The following ANK3 variants were observed in gnomAD, a reference collection of about 807,000 sequenced individuals.
ANK3 encodes the protein ankyrin 3.
In ANK3, 57 loss-of-function variants were observed where a neutral mutation model predicts 370.9. The ratio of observed to expected loss-of-function variants is 0.15; its 90% confidence interval spans 0.12 to 0.19. ANK3 has a LOEUF of 0.19. Ranked by LOEUF, ANK3 falls within the 10% of genes least tolerant of loss-of-function variation. The probability of loss-of-function intolerance (pLI) is 1.00; values close to 1 mark genes in which losing one functional copy is unlikely to be tolerated. For missense variants in ANK3, 4,439 were observed against 5,302.1 expected (o/e 0.84, Z 5.06); for synonymous variants, 1,929 against 1,946.3 (o/e 0.99, Z 0.23).
chr10:60,693,936 C>T (rs556638168), intron 1 of ANK3, among the ~76,000 whole-genome samples: 8,165 of 151,414 alleles, frequency 0.054, 272 homozygotes, highest in South Asian at 0.071. Flanking sequence ...AGGCTTCAGA[C>T]GATCAAATTA....
intron 16 of ANK3, among the ~76,000 whole-genome samples, chr10:60,192,664 G>A (rs2096510022): frequency 6.6e-6 from 1 of 152,100 alleles, no homozygotes; most frequent in African/African-American, 2.4e-5. Flanking sequence ...CATAAAGAGT[G>A]GAATAATAGA....
chr10:60,216,616 G>T lies in ANK3; in HGVS notation c.898-3106C>A, dbSNP rs145458460. ...AGCCTTGCATCCCAGGGATGAAGCCGATTTACTCGTGGTAGGTAAGTTTTT... is the reference window on the plus strand; with the variant it reads ...AGCCTTGCATCCCAGGGATGAAGCCTATTTACTCGTGGTAGGTAAGTTTTT... On this transcript the variant is annotated intron_variant, in intron 8 of 43. Coordinates refer to ENST00000280772, the MANE Select transcript of ANK3 (RefSeq NM_020987.5). Among the ~76,000 whole-genome samples the T allele has an allele frequency of 1.2e-3, 179 of 152,196 alleles. 1 individual carries two copies. The highest frequency in any genetic ancestry group is 4.1e-3 in the African/African-American group (169 of 41,536).
chr10:60,558,294 T>C (rs933517558), intron 2 of ANK3, among the ~76,000 whole-genome samples: 1 of 152,222 alleles, frequency 6.6e-6, no homozygotes, highest in African/African-American at 2.4e-5. Context: ...TTCAGGTATA[T>C]TGTCTTAAAA....
intron 1 of ANK3, among the ~76,000 whole-genome samples, chr10:60,323,582 A>T (rs746505813): frequency 1.3e-5 from 2 of 152,188 alleles, no homozygotes; most frequent in South Asian, 2.1e-4. Context: ...GATGTCTCCA[A>T]TGGAAATATA....
At chr10:60,363,976 T>G (rs10994316) in intron 1 of ANK3, among the ~76,000 whole-genome samples, 67,641 of 144,414 alleles carry the variant, frequency 0.47, 16,511 homozygotes, top group South Asian at 0.6. Context: ...AAGTGTTTTT[T>G]TTTTTTTTTT....
chr10:60,406,527 C>T lies in ANK3; in HGVS notation c.97-126888G>A, dbSNP rs1226986804. 2.6e-5 allele frequency among the ~76,000 whole-genome samples: 4 copies of T among 152,166 alleles called. No homozygotes were observed. In the East Asian group the frequency reaches 7.7e-4, roughly 29 times the overall value. On this transcript the variant is annotated intron_variant, in intron 2 of 43. Transcript: ENST00000373827. ...ACTTCACAATAGGGTTTGTGCTCCT[C>T]TGAGACTCTAATGCCACTGCTGATC...
At chr10:60,699,261 C>A (rs574547698) in intron 1 of ANK3, among the ~76,000 whole-genome samples, 1 of 151,484 alleles carries the variant, frequency 6.6e-6, no homozygotes, top group Non-Finnish European at 1.5e-5. Context: ...CCATCTGTAC[C>A]CCAGTAACCC....
intron 1 of ANK3, among the ~76,000 whole-genome samples, chr10:60,648,617 A>C (rs1461060352): frequency 2.0e-5 from 3 of 150,954 alleles, no homozygotes; most frequent in Non-Finnish European, 3.0e-5. Flanking sequence ...AAAAAATACA[A>C]AAATTAGCCA....
Position 60,505,044 on chromosome 10 carries a change from A to T in ANK3, c.96+110142T>A, listed in dbSNP as rs570796511. Among the ~76,000 whole-genome samples the T allele has an allele frequency of 2.0e-5, 3 of 152,294 alleles. No individual in the cohort carries two copies. The East Asian group carries it at 5.8e-4, about 29-fold the overall frequency. ...CCTTTTTTAGACACGTATATGAAGCATTTAAAAGCAAATGATATGTCTAAG... is the reference window on the plus strand; with the variant it reads ...CCTTTTTTAGACACGTATATGAAGCTTTTAAAAGCAAATGATATGTCTAAG... On this transcript the variant is annotated intron_variant, in intron 2 of 43. Coordinates refer to the ANK3 transcript ENST00000373827.
intron 1 of ANK3, chr10:60,684,426 GT>G (rs1463443069): frequency 1.3e-6 from 1 of 797,156 alleles, no homozygotes; most frequent in African/African-American, 1.8e-5. Context: ...CAATCTTATA[GT>G]TGGATCACCT....
chr10:60,319,186 C>G (rs2048099148), intron 1 of ANK3, among the ~76,000 whole-genome samples: 1 of 152,202 alleles, frequency 6.6e-6, no homozygotes, highest in Non-Finnish European at 1.5e-5. Flanking sequence ...ATAACAGACA[C>G]TTGCAAAGGG....
chr10:60,182,392 G>T (rs1196073112), intron 17 of ANK3, among the ~76,000 whole-genome samples: 1 of 152,050 alleles, frequency 6.6e-6, no homozygotes, highest in African/African-American at 2.4e-5. Flanking sequence ...CAGAACACAT[G>T]GTTGCTCTCA....
At chr10:60,580,280 A>G (rs1453379744) in intron 2 of ANK3, among the ~76,000 whole-genome samples, 3 of 152,198 alleles carry the variant, frequency 2.0e-5, no homozygotes, top group Non-Finnish European at 4.4e-5. Flanking sequence ...CACAGCCTCT[A>G]TTCTAAATCA....
At chr10:60,404,213 GT>G (rs71015792) in intron 2 of ANK3, among the ~76,000 whole-genome samples, 1 of 16,552 alleles carries the variant, frequency 6.0e-5, no homozygotes, top group East Asian at 2.3e-3. Context: ...AACACCACAA[GT>G]TTTTTTTTAA....
intron 7 of ANK3, among the ~76,000 whole-genome samples, chr10:60,243,146 C>T (rs921054626): frequency 1.3e-5 from 2 of 152,188 alleles, no homozygotes; most frequent in Admixed American, 1.3e-4. Context: ...CTGCCCCATA[C>T]TAGCTAATTA....
intron 12 of ANK3, 93 bp downstream of exon 12, chr10:60,202,909 A>AACAAAAT: frequency 1.2e-6 from 1 of 850,074 alleles, no homozygotes; most frequent in Non-Finnish European, 1.8e-6. Context: ...TCCAACTCTT[A>AACAAAAT]AAAAAATAAA....
chr10:60,333,471 A>T (rs2051933289), intron 1 of ANK3, among the ~76,000 whole-genome samples: 1 of 152,288 alleles, frequency 6.6e-6, no homozygotes, highest in East Asian at 1.9e-4. Flanking sequence ...CCTGCAAAGG[A>T]CATGAACTCA....
intron 23 of ANK3, among the ~76,000 whole-genome samples, chr10:60,160,783 A>AT (rs2095478652): frequency 3.3e-5 from 5 of 152,236 alleles, no homozygotes; most frequent in Admixed American, 3.3e-4. Context: ...TCATATCCAA[A>AT]GAATAAAGGA....
At position 60,075,055 on chromosome 10, in the gene ANK3, T is replaced by C; in HGVS notation, c.5826A>G (p.Glu1942=). ...ELPKEGRIDD[E]EPFKIVEKVK... ...CTTTCTCTACAATTTTGAAAGGTTC[T>C]TCATCATCTATTCTCCCTTCCTTTG... The change falls in exon 37 of 44, where the codon GAA becomes GAG. Residue 1942 remains glutamate (E), a synonymous_variant. Coordinates refer to ENST00000280772, the MANE Select transcript of ANK3 (RefSeq NM_020987.5). 1.2e-6 allele frequency: 2 copies of C among 1,614,034 alleles called. No homozygotes were observed. Among genetic ancestry groups the C allele is most frequent in the Non-Finnish European group, 1.7e-6 (2 of 1,180,010 alleles).
Sources: allele counts gnomAD v4.1 joint callset (sites outside exome capture counted in the v4.1 genomes callset), GRCh38; gene constraint gnomAD v4.1.1; transcripts MANE v1.5; gene names NCBI Gene and HGNC (gene_info 2026-07-23, HGNC 2026-07-21).